Variants in FRMD3 observed in about 807,000 individuals in gnomAD.
FRMD3 encodes FERM domain-containing protein 3.
FRMD3 carries 33 observed loss-of-function variants against 70.2 expected under a neutral mutation model. The observed-to-expected ratio is 0.47, with a 90% CI of 0.36 to 0.63. FRMD3 has a LOEUF of 0.63. Among genes scored for constraint, FRMD3 ranks in the 20% least tolerant of loss-of-function variants. The pLI, the probability that FRMD3 is intolerant of heterozygous loss-of-function variation, is 0.00. For synonymous variants in FRMD3, 279 were observed against 255.9 expected (o/e 1.09, Z -0.86); for missense variants, 632 against 711.4 (o/e 0.89, Z 1.27).
intron 1 of FRMD3, among the ~76,000 whole-genome samples, chr9:83,536,415 T>A (rs989265714): frequency 1.3e-5 from 2 of 152,124 alleles, no homozygotes; most frequent in African/African-American, 4.8e-5. Flanking sequence ...AGAGGAGAAC[T>A]CAACAGCCTC....
chr9:83,403,635 C>T (rs1826017718), intron 1 of FRMD3, among the ~76,000 whole-genome samples: 1 of 152,112 alleles, frequency 6.6e-6, no homozygotes, highest in African/African-American at 2.4e-5. Flanking sequence ...CAGGAAATTA[C>T]AGTCTAGTGT....
intron 1 of FRMD3, among the ~76,000 whole-genome samples, chr9:83,452,733 C>T (rs574982287): frequency 1.4e-4 from 21 of 152,180 alleles, no homozygotes; most frequent in Non-Finnish European, 2.9e-4. Context: ...CCGCCCGTCT[C>T]GGCCTCCCAA....
chr9:83,306,011 AAC>A (rs1835120783), intron 10 of FRMD3, among the ~76,000 whole-genome samples: 1 of 152,172 alleles, frequency 6.6e-6, no homozygotes, highest in Non-Finnish European at 1.5e-5. Flanking sequence ...AAATGTGTAA[AAC>A]ACATTTTCCA....
At chr9:83,299,315 C>A in intron 10 of FRMD3, 129 bp from the exon 11 acceptor site, 1 of 611,768 alleles carries the variant, frequency 1.6e-6, no homozygotes, top group South Asian at 2.1e-5. Context: ...ACTCAGCCTG[C>A]ATTGTGCACA....
At chr9:83,252,965 A>G (rs1832501158) in intron 13 of FRMD3, among the ~76,000 whole-genome samples, 2 of 152,228 alleles carry the variant, frequency 1.3e-5, no homozygotes, top group African/African-American at 4.8e-5. Context: ...TAGATAGATC[A>G]TGGAGAAAGA....
chr9:83,544,262 C>T, the FRMD3 span, among the ~76,000 whole-genome samples: 2 of 152,222 alleles, frequency 1.3e-5, no homozygotes, highest in Non-Finnish European at 2.9e-5. Flanking sequence ...AAGAAGACTG[C>T]GTTTCTGCAC....
intron 1 of FRMD3, among the ~76,000 whole-genome samples, chr9:83,507,069 A>G (rs1468696880): frequency 6.6e-6 from 1 of 152,186 alleles, no homozygotes; most frequent in East Asian, 1.9e-4. Flanking sequence ...TCCTATGATA[A>G]CAATATATCG....
intron 2 of FRMD3, among the ~76,000 whole-genome samples, chr9:83,381,964 A>T (rs1482924870): frequency 1.3e-5 from 2 of 152,136 alleles, no homozygotes; most frequent in African/African-American, 4.8e-5. Flanking sequence ...TTGGAAAGCC[A>T]TCCTGACCCT....
the FRMD3 span, among the ~76,000 whole-genome samples, chr9:83,575,390 T>C: frequency 6.6e-6 from 1 of 152,132 alleles, no homozygotes; most frequent in South Asian, 2.1e-4. Flanking sequence ...CAACATGATG[T>C]CAAATGTGGC....
intron 1 of FRMD3, among the ~76,000 whole-genome samples, chr9:83,390,841 C>G (rs556430160): frequency 6.6e-6 from 1 of 152,242 alleles, no homozygotes; most frequent in East Asian, 1.9e-4. Flanking sequence ...TTTCAATCCA[C>G]TAAAAATAAT....
chr9:83,538,111 C>A lies in FRMD3; in HGVS notation c.121G>T (p.Asp41Tyr), dbSNP rs767850984. ...TGGATGTGGCAGGAGATCTCCGAGTCGTCCAGCAGCCGGATGGTGCATCTC... is the reference window on the plus strand; with the variant it reads ...TGGATGTGGCAGGAGATCTCCGAGTAGTCCAGCAGCCGGATGGTGCATCTC... ...EMRCTIRLLDDSEISCHIQRE... is the reference protein window; with the variant it reads ...EMRCTIRLLDYSEISCHIQRE... Residue 41 changes from aspartate (D) to tyrosine (Y), a missense_variant, in exon 1 of 14, where the codon GAC (aspartate) becomes TAC (tyrosine). Asp to Tyr is a radical substitution (Grantham distance 160, BLOSUM62 -3). Coordinates refer to ENST00000304195, the MANE Select transcript of FRMD3 (RefSeq NM_174938.6). The surrounding 1 kb of genome is among the most constrained non-coding windows in gnomAD (Gnocchi z 4.7). The A allele has an allele frequency of 1.9e-5, 30 of 1,613,178 alleles. 1 individual carries two copies. In the South Asian group the frequency reaches 3.1e-4, roughly 17 times the overall value.
chr9:83,578,960 A>G, the FRMD3 span, among the ~76,000 whole-genome samples: 1 of 152,082 alleles, frequency 6.6e-6, no homozygotes, highest in Non-Finnish European at 1.5e-5. Flanking sequence ...TGATAAACAG[A>G]TTTAGTAAAG....
chr9:83,488,553 C>T (rs1334254992), intron 1 of FRMD3, among the ~76,000 whole-genome samples: 1 of 152,104 alleles, frequency 6.6e-6, no homozygotes, highest in Non-Finnish European at 1.5e-5. Flanking sequence ...AAGGGGACCC[C>T]GTTTTAAAAA....
intron 1 of FRMD3, among the ~76,000 whole-genome samples, chr9:83,501,180 G>A (rs1829059993): frequency 6.6e-6 from 1 of 152,094 alleles, no homozygotes; most frequent in Non-Finnish European, 1.5e-5. Context: ...TGTAGTCCCA[G>A]CTACTCGGGA....
At chr9:83,392,571 G>T (rs776165260) in intron 1 of FRMD3, among the ~76,000 whole-genome samples, 1 of 152,096 alleles carries the variant, frequency 6.6e-6, no homozygotes, top group Non-Finnish European at 1.5e-5. Flanking sequence ...TGAAGATAGA[G>T]GTTCCTTCCC....
At chr9:83,574,433 TGG>T in the FRMD3 span, among the ~76,000 whole-genome samples, 2 of 152,202 alleles carry the variant, frequency 1.3e-5, no homozygotes, top group African/African-American at 4.8e-5. Context: ...GTGTATTTCA[TGG>T]GTCACTGATA....
At chr9:83,355,891 G>A (rs956788265) in intron 3 of FRMD3, among the ~76,000 whole-genome samples, 1 of 152,220 alleles carries the variant, frequency 6.6e-6, no homozygotes, top group Non-Finnish European at 1.5e-5. Flanking sequence ...CCAAGAGCTT[G>A]TAATTGCACT....
intron 13 of FRMD3, among the ~76,000 whole-genome samples, chr9:83,252,922 T>C (rs897837414): frequency 3.9e-5 from 6 of 152,102 alleles, no homozygotes; most frequent in Non-Finnish European, 7.3e-5. Flanking sequence ...TACACAATAA[T>C]AGTGGGAGAC....
At chr9:83,561,440 T>A in the FRMD3 span, among the ~76,000 whole-genome samples, 1 of 152,160 alleles carries the variant, frequency 6.6e-6, no homozygotes, top group Admixed American at 6.5e-5. Context: ...GACACTGGGG[T>A]ATAAAGACAA....
Sources: allele counts gnomAD v4.1 joint callset (sites outside exome capture counted in the v4.1 genomes callset), GRCh38; gene constraint gnomAD v4.1.1; non-coding constraint Gnocchi (gnomAD v3.1); transcripts MANE v1.5; gene names NCBI Gene and HGNC (gene_info 2026-07-23, HGNC 2026-07-21).